TRIM17: variants seen among roughly 807,000 people sequenced by gnomAD.
TRIM17 encodes the protein E3 ubiquitin-protein ligase TRIM17.
In TRIM17, 27 loss-of-function variants were observed where a neutral mutation model predicts 35.8. The ratio of observed to expected loss-of-function variants is 0.75; its 90% CI spans 0.56 to 1.04. The LOEUF is 1.04. Among genes scored for constraint, TRIM17 ranks in the 50% least tolerant of loss-of-function variants. TRIM17 has a pLI of 0.00. For missense variants in TRIM17, 582 were observed against 612.8 expected (o/e 0.95, Z 0.53); for synonymous variants, 246 against 252.6 (o/e 0.97, Z 0.25).
At position 228,409,411 on chromosome 1, in the gene TRIM17, C is replaced by T; in HGVS notation, c.757G>A (p.Asp253Asn). The T allele has an allele frequency of 2.0e-6, 3 of 1,537,842 alleles. No homozygotes were observed. The highest frequency in any genetic ancestry group is 2.6e-6 in the Non-Finnish European group (3 of 1,144,980). Residue 253 changes from aspartate to asparagine, a missense_variant and splice_region_variant, in exon 5 of 7, where the codon GAC becomes AAC. Transcript: ENST00000366698. ...TACCTGCTCAGGGGTTCCTTCATGTCCTGCAAAAGACAGGGACGGAGGGTG... is the reference window on the plus strand; with the variant it reads ...TACCTGCTCAGGGGTTCCTTCATGTTCTGCAAAAGACAGGGACGGAGGGTG... ...STQGPLQMLQDMKEPLSRKNN... is the reference protein window; with the variant it reads ...STQGPLQMLQNMKEPLSRKNN...
At position 228,408,081 on chromosome 1, in the gene TRIM17, CCT is replaced by C. The variant is rs1471225460; in HGVS notation, c.*118_*119del. The C allele has an allele frequency of 2.3e-5, 21 of 894,720 alleles. No individual in the cohort carries two copies. The highest frequency in any genetic ancestry group is 2.9e-4 in the Middle Eastern group (1 of 3,470). The allele number at this position is 894,720 out of a possible 1,614,324, so 55.4% of individuals were successfully genotyped here. A position where few individuals can be genotyped will look rare whatever the true frequency, so the allele number is the denominator to read the frequency against. On this transcript the variant is annotated 3_prime_UTR_variant, in exon 7 of 7. Coordinates refer to ENST00000366698, the MANE Select transcript of TRIM17 (RefSeq NM_016102.4). The surrounding 1 kb of genome is among the most constrained non-coding windows in gnomAD (Gnocchi z 6.3). The stretch of plus-strand genomic sequence containing the variant: ...TTATATTTAGAATTTGAGAAACCCC[CCT>C]GTGTGTCTAATGGCTGCCAGCGTGA...
chr1:228,409,661 G>A lies in TRIM17; in HGVS notation c.757-250C>T, dbSNP rs555448703. The stretch of plus-strand genomic sequence containing the variant: ...CCCACGGCCACACGCCTGAGGTCCT[G>A]CAACTCAGGAGAGGCGGAGGGACCC... On this transcript the variant is annotated intron_variant, in intron 4 of 6. Transcript: ENST00000366698. 11 of 448,902 alleles carry A rather than the reference G, an allele frequency of 2.5e-5. No individual in the cohort carries two copies. In the South Asian group the frequency reaches 6.6e-4, roughly 27 times the overall value. 27.8% of individuals were successfully genotyped at this position (448,902 alleles called of 1,614,324 possible).
rs1226351891 is a variant in TRIM17, at chr1:228,413,784, C to T, written c.525+13G>A. On this transcript the variant is annotated intron_variant, in intron 3 of 6. Coordinates refer to ENST00000366698, the MANE Select transcript of TRIM17 (RefSeq NM_016102.4). ...AGCAGCAGGAAAGGGACTGGACAGCCCTGGGCACCCACCTGCCACTCGGCT... is the reference window on the plus strand; with the variant it reads ...AGCAGCAGGAAAGGGACTGGACAGCTCTGGGCACCCACCTGCCACTCGGCT... 1 of 1,610,612 alleles carries T rather than the reference C, an allele frequency of 6.2e-7. No homozygotes were observed. Among genetic ancestry groups the T allele is most frequent in the East Asian group, 2.2e-5 (1 of 44,838 alleles).
Position 228,415,103 on chromosome 1 carries a change from C to G in TRIM17, c.-31G>C, listed in dbSNP as rs1265379197. The G allele has an allele frequency of 6.3e-7, 1 of 1,576,654 alleles. No individual in the cohort carries two copies. Among genetic ancestry groups the G allele is most frequent in the Non-Finnish European group, 8.6e-7 (1 of 1,159,138 alleles). ...CTGGGAGACACGAGGCAGGTTCCCG[C>G]TTGAGGGACTCTGGAGAGAGTTGGA... On this transcript the variant is annotated 5_prime_UTR_variant, in exon 2 of 7. Coordinates refer to ENST00000366698, the MANE Select transcript of TRIM17 (RefSeq NM_016102.4).
In TRIM17 at chr1:228,415,095, G is replaced by A. The variant is rs368728808; in HGVS notation, c.-23C>T. The A allele has an allele frequency of 5.8e-5, 92 of 1,585,384 alleles. No individual in the cohort carries two copies. In the African/African-American group the frequency reaches 1.1e-3, roughly 19 times the overall value. Reference sequence around the variant, plus strand: ...CATGGCTCCTGGGAGACACGAGGCAGGTTCCCGCTTGAGGGACTCTGGAGA... The same window carrying A: ...CATGGCTCCTGGGAGACACGAGGCAAGTTCCCGCTTGAGGGACTCTGGAGA... On this transcript the variant is annotated 5_prime_UTR_variant, in exon 2 of 7. Coordinates refer to ENST00000366698, the MANE Select transcript of TRIM17 (RefSeq NM_016102.4).
rs1481745569 is a variant in TRIM17 at position 228,408,621 on chromosome 1, G to A, written c.1014C>T (p.Pro338=). 1.2e-6 allele frequency: 2 copies of A among 1,613,746 alleles called. No individual in the cohort carries two copies. The highest frequency in any genetic ancestry group is 4.5e-5 in the East Asian group (2 of 44,882). ...FCSKDRFVAY[P]CAVGQTAFSS... is the part of the protein sequence containing the mutation. ...AGAAGGCCGTCTGGCCCACAGCACAGGGGTAAGCCACAAATCGGTCCTTGC... is the reference window on the plus strand; with the variant it reads ...AGAAGGCCGTCTGGCCCACAGCACAAGGGTAAGCCACAAATCGGTCCTTGC... Residue 338 remains proline (P), a synonymous_variant, in exon 7 of 7, where the codon CCC becomes CCT. Transcript: ENST00000366698. The surrounding 1 kb of genome is among the most constrained non-coding windows in gnomAD (Gnocchi z 6.3).
chr1:228,409,346 A>T lies in TRIM17; in HGVS notation c.779+43T>A, dbSNP rs753781853. The T allele has an allele frequency of 4.8e-6, 5 of 1,031,296 alleles. No homozygotes were observed. The African/African-American group carries it at 7.2e-5, about 15-fold the overall frequency. 63.9% of individuals were successfully genotyped at this position (1,031,296 alleles called of 1,614,324 possible). A position where few individuals can be genotyped will look rare whatever the true frequency, so the allele number is the denominator to read the frequency against. ...GACAGTCTTATTGTCCCCCCCGCCC[A>T]CCGCTGCCACTGCCCCCGCCCCTGC... On this transcript the variant is annotated intron_variant, in intron 5 of 6. Transcript: ENST00000366698.
rs1656610873 is a variant in TRIM17, at chr1:228,408,881, G to T, written c.884-130C>A. The stretch of plus-strand genomic sequence containing the variant: ...TAACTCCGCAGAGGCCTCCCCTGCT[G>T]TGAATCTGGGGTTACTTGATGCTTC... On this transcript the variant is annotated intron_variant, in intron 6 of 6. Transcript: ENST00000366698. The surrounding 1 kb of genome is among the most constrained non-coding windows in gnomAD (Gnocchi z 6.3). The T allele has an allele frequency of 1.4e-6, 2 of 1,481,008 alleles. No homozygotes were observed. Among genetic ancestry groups the T allele is most frequent in the East Asian group, 4.9e-5 (2 of 40,612 alleles). 91.7% of individuals were successfully genotyped at this position (1,481,008 alleles called of 1,614,324 possible).
At chr1:228,415,494 C>T (rs1384698421) in intron 1 of TRIM17, 1 of 168,086 alleles carries the variant, frequency 5.9e-6, no homozygotes, top group African/African-American at 2.4e-5. Context: ...AGCCCCTACC[C>T]TTGGAGCCTT....
At position 228,408,550 on chromosome 1, in the gene TRIM17, TC is replaced by T. The variant is rs759015552; in HGVS notation, c.1084del (p.Asp362ThrfsTer13). The T allele has an allele frequency of 1.9e-6, 3 of 1,613,828 alleles. No homozygotes were observed. The African/African-American group carries it at 4.0e-5, about 22-fold the overall frequency. ...YWEVGMNITG[D>X]ALWALGVCRD... is the part of the protein sequence containing the mutation. ...GCACACACCCAGGGCCCACAACGCG[TC>T]CCCGGTGATGTTCATGCCCACCTCC... is the stretch of plus-strand genomic sequence containing the variant. On this transcript the variant is annotated frameshift_variant, in exon 7 of 7. Coordinates refer to ENST00000366698, the MANE Select transcript of TRIM17 (RefSeq NM_016102.4). LOFTEE classifies it low-confidence loss of function (END_TRUNC). The surrounding 1 kb of genome is among the most constrained non-coding windows in gnomAD (Gnocchi z 6.3).
intron 2 of TRIM17, 112 bp from the exon 3 acceptor site, chr1:228,414,004 G>GGTCTCT: frequency 1.2e-6 from 1 of 829,334 alleles, no homozygotes; most frequent in Non-Finnish European, 2.0e-6. Flanking sequence ...TCCTCAGGAG[G>GGTCTCT]GGCAGGGGAT....
rs768787836 is a variant in TRIM17 at position 228,414,632 on chromosome 1, G to A, written c.429+12C>T. The A allele has an allele frequency of 1.0e-5, 16 of 1,603,624 alleles. No individual in the cohort carries two copies. The highest frequency in any genetic ancestry group is 2.2e-5 in the East Asian group (1 of 44,686). On this transcript the variant is annotated intron_variant, in intron 2 of 6. Coordinates refer to ENST00000366698, the MANE Select transcript of TRIM17 (RefSeq NM_016102.4). Reference sequence around the variant, plus strand: ...TCCCCGGCCCCTTGACCTGGGCCCCGATGTGGCCTACCTTGTACCCCTGCA... The same window carrying A: ...TCCCCGGCCCCTTGACCTGGGCCCCAATGTGGCCTACCTTGTACCCCTGCA...
At chr1:228,412,786 A>T (rs1397945983) in intron 3 of TRIM17, among the ~76,000 whole-genome samples, 1 of 152,060 alleles carries the variant, frequency 6.6e-6, no homozygotes, top group Admixed American at 6.6e-5. Context: ...AACAAAAAAT[A>T]ACAACAAAGA....
rs755126446 is a variant in TRIM17, at chr1:228,408,521, C to T, written c.1114G>A (p.Asp372Asn). ...DALWALGVCRDNVSRKDRVPK... is the reference protein window; with the variant it reads ...DALWALGVCRNNVSRKDRVPK... The stretch of plus-strand genomic sequence containing the variant: ...ACCCTGTCTTTCCGGCTCACGTTGT[C>T]CCTGCACACACCCAGGGCCCACAAC... Residue 372 changes from aspartate to asparagine, a missense_variant, in exon 7 of 7, where the codon GAC (aspartate) becomes AAC (asparagine). Asp to Asn is a conservative substitution (Grantham distance 23). Coordinates refer to ENST00000366698, the MANE Select transcript of TRIM17 (RefSeq NM_016102.4). The surrounding 1 kb of genome is among the most constrained non-coding windows in gnomAD (Gnocchi z 6.3). 1.2e-6 allele frequency: 2 copies of T among 1,614,130 alleles called. No homozygotes were observed. Among genetic ancestry groups the T allele is most frequent in the Non-Finnish European group, 8.5e-7 (1 of 1,180,010 alleles).
intron 2 of TRIM17, 97 bp from the exon 3 acceptor site, chr1:228,413,989 G>T: frequency 1.0e-6 from 1 of 983,192 alleles, no homozygotes; most frequent in Admixed American, 1.8e-5. Context: ...CCACCCCAGA[G>T]ACCCTCCTCA....
chr1:228,415,197 G>T (rs908446343), intron 1 of TRIM17, 84 bp from the exon 2 acceptor site: 4 of 1,134,240 alleles, frequency 3.5e-6, no homozygotes, highest in Non-Finnish European at 4.9e-6. Flanking sequence ...TTACAGAGGA[G>T]GGCTAGGACT....
rs755193370 is a variant in TRIM17, at chr1:228,409,283, GGGC to G, written c.780-11_780-9del. On this transcript the variant is annotated splice_polypyrimidine_tract_variant and intron_variant, in intron 5 of 6. Transcript: ENST00000366698. The stretch of plus-strand genomic sequence containing the variant: ...ACACTCACGTTGTTCTTCCTCCGGT[GGGC>G]ACACACAGGGGAGTCTTATTGACTC... The G allele has an allele frequency of 5.0e-6, 8 of 1,613,266 alleles. No homozygotes were observed. The highest frequency in any genetic ancestry group is 6.8e-6 in the Non-Finnish European group (8 of 1,179,492).
Position 228,414,933 on chromosome 1 carries a change from G to T in TRIM17, c.140C>A (p.Ala47Glu), listed in dbSNP as rs367605606. ...RACIQLSWEK[A>E]RGKKGRRKRK... ...CTTCCGCCTCCCCTTCTTGCCCCTC[G>T]CCTTTTCCCAGCTCAGCTGGATGCA... The change falls in exon 2 of 7, where the codon GCG becomes GAG. Residue 47 changes from alanine (A) to glutamate (E), a missense_variant. Coordinates refer to ENST00000366698, the MANE Select transcript of TRIM17 (RefSeq NM_016102.4). 6.2e-7 allele frequency: 1 copy of T among 1,613,446 alleles called. No homozygotes were observed. Among genetic ancestry groups the T allele is most frequent in the East Asian group, 2.2e-5 (1 of 44,876 alleles).
At chr1:228,415,333 C>G (rs1657043645) in intron 1 of TRIM17, 3 of 454,744 alleles carry the variant, frequency 6.6e-6, no homozygotes. Flanking sequence ...CCTCTCCTCT[C>G]CACTGGGCCT....
Sources: allele counts gnomAD v4.1 joint callset (sites outside exome capture counted in the v4.1 genomes callset), GRCh38; gene constraint gnomAD v4.1.1; non-coding constraint Gnocchi (gnomAD v3.1); transcripts MANE v1.5; gene names NCBI Gene and HGNC (gene_info 2026-07-23, HGNC 2026-07-21).